NR5A2: variants seen among roughly 807,000 people sequenced by gnomAD.
NR5A2 encodes nuclear receptor subfamily 5 group A member 2.
A neutral mutation model predicts 62.7 loss-of-function variants in NR5A2; 26 were observed. That is an observed-to-expected ratio of 0.41 (90% confidence interval 0.30 to 0.58). NR5A2 has a LOEUF of 0.58. Ranked by LOEUF, NR5A2 falls within the 20% of genes least tolerant of loss-of-function variation. The pLI is 0.22. For missense variants in NR5A2, 541 were observed against 669.1 expected, an observed-to-expected ratio of 0.81 and a Z score of 2.11; for synonymous variants, 246 against 241.7, an observed-to-expected ratio of 1.02 and a Z score of -0.16.
chr1:200,137,836 C>T (rs1667295162), intron 7 of NR5A2, among the ~76,000 whole-genome samples: 1 of 151,988 alleles, frequency 6.6e-6, no homozygotes, highest in Non-Finnish European at 1.5e-5. Context: ...AATTATGGGA[C>T]AAATTGGATA....
intron 5 of NR5A2, among the ~76,000 whole-genome samples, chr1:200,103,313 G>T (rs1665484213): frequency 1.3e-5 from 2 of 151,846 alleles, no homozygotes; most frequent in Admixed American, 6.6e-5. Flanking sequence ...TTGGTAGAGA[G>T]GGGATTTCAC....
intron 7 of NR5A2, among the ~76,000 whole-genome samples, chr1:200,140,271 CT>C (rs1213897256): frequency 6.6e-6 from 1 of 151,984 alleles, no homozygotes; most frequent in Non-Finnish European, 1.5e-5. Context: ...GAGACAAGGT[CT>C]CACTATGTTG....
rs1208643277 is a variant in NR5A2 at position 200,043,301 on chromosome 1, G to A, written c.203-473G>A. ...TCAGTTTCTCTGTCGGACAGAGTTT[G>A]CAAATTGGTGCTGCTGTCCCTGTAA... On this transcript the variant is annotated intron_variant, in intron 2 of 7. Coordinates refer to ENST00000367362, the MANE Select transcript of NR5A2 (RefSeq NM_205860.3). Among the ~76,000 whole-genome samples the A allele has an allele frequency of 2.0e-5, 3 of 152,208 alleles. No homozygotes were observed. The East Asian group carries it at 5.8e-4, about 29-fold the overall frequency.
intron 6 of NR5A2, among the ~76,000 whole-genome samples, chr1:200,117,867 C>A (rs1012724458): frequency 6.6e-6 from 1 of 151,982 alleles, no homozygotes; most frequent in Non-Finnish European, 1.5e-5. Context: ...GCACTTGCCA[C>A]CACGCCTGGC....
chr1:200,114,106 C>T (rs1666094567), intron 6 of NR5A2, among the ~76,000 whole-genome samples: 1 of 151,952 alleles, frequency 6.6e-6, no homozygotes, highest in Admixed American at 6.6e-5. Flanking sequence ...TCGCTTGAAC[C>T]CGGGAGGCAG....
intron 1 of NR5A2, among the ~76,000 whole-genome samples, chr1:200,028,798 T>C (rs1027816141): frequency 2.0e-5 from 3 of 152,142 alleles, no homozygotes; most frequent in Non-Finnish European, 4.4e-5. Flanking sequence ...GCTCTCTGAG[T>C]CTCAGCTCCA....
intron 5 of NR5A2, among the ~76,000 whole-genome samples, chr1:200,093,432 G>A (rs953806667): frequency 6.6e-6 from 1 of 151,912 alleles, no homozygotes; most frequent in African/African-American, 2.4e-5. Flanking sequence ...TAGAAATGAG[G>A]TAGAAACAAG....
rs377340850 is a variant in NR5A2 at position 200,174,247 on chromosome 1, A to G, written c.*37A>G. 7.3e-6 allele frequency: 11 copies of G among 1,498,042 alleles called. No individual in the cohort carries two copies. Among genetic ancestry groups the G allele is most frequent in the Middle Eastern group, 1.8e-4 (1 of 5,582 alleles). The allele number at this position is 1,498,042 out of a possible 1,614,324, so 92.8% of individuals were successfully genotyped here. ...TAGGAGCTCTGCTTTCAAAACAAAA[A>G]GAGATTGGGGGAGTGGGGAGGGGGA... On this transcript the variant is annotated 3_prime_UTR_variant, in exon 8 of 8. Coordinates refer to ENST00000367362, the MANE Select transcript of NR5A2 (RefSeq NM_205860.3).
At chr1:200,060,997 G>C (rs1265593428) in intron 5 of NR5A2, among the ~76,000 whole-genome samples, 2 of 148,750 alleles carry the variant, frequency 1.3e-5, no homozygotes, top group African/African-American at 5.0e-5. Context: ...GCGGCCACCT[G>C]TAATCCCAGC....
intron 5 of NR5A2, among the ~76,000 whole-genome samples, chr1:200,093,140 G>C (rs1664899630): frequency 6.6e-6 from 1 of 151,974 alleles, no homozygotes; most frequent in Non-Finnish European, 1.5e-5. Context: ...ACCTGACCTT[G>C]TGATCCACCC....
intron 5 of NR5A2, among the ~76,000 whole-genome samples, chr1:200,072,299 C>T (rs1461811916): frequency 6.6e-6 from 1 of 152,002 alleles, no homozygotes; most frequent in Non-Finnish European, 1.5e-5. Flanking sequence ...ATATTCTAAC[C>T]ATATTATATA....
Position 200,043,824 on chromosome 1 carries a change from C to T in NR5A2, c.253C>T (p.Leu85Phe), listed in dbSNP as rs1324332775. Residue 85 changes from leucine to phenylalanine, a missense_variant, in exon 3 of 8, where the codon CTT becomes TTT. Physicochemically the swap from Leu to Phe is conservative, Grantham distance 22. Around this residue, in one of 3 missense-constraint regions of NR5A2, gnomAD observed 54 missense variants for 123.8 expected, o/e 0.44. Coordinates refer to ENST00000367362, the MANE Select transcript of NR5A2 (RefSeq NM_205860.3). ...CTCCTATGATGAAGATCTGGAAGAGCTTTGTCCCGTGTGTGGAGATAAAGT... is the reference window on the plus strand; with the variant it reads ...CTCCTATGATGAAGATCTGGAAGAGTTTTGTCCCGTGTGTGGAGATAAAGT... The part of the protein sequence containing the change: ...NYSYDEDLEE[L>F]CPVCGDKVSG... 1 of 1,613,828 alleles carries T rather than the reference C, an allele frequency of 6.2e-7. No homozygotes were observed. Among genetic ancestry groups the T allele is most frequent in the African/African-American group, 1.3e-5 (1 of 75,034 alleles).
intron 3 of NR5A2, chr1:200,044,380 A>AT (rs1662262152): frequency 6.6e-6 from 1 of 152,200 alleles, no homozygotes; most frequent in South Asian, 2.1e-4. Context: ...AATTTTAAGG[A>AT]TTTTTTGAAA....
intron 5 of NR5A2, among the ~76,000 whole-genome samples, chr1:200,066,588 C>CTTTTTTTTTTTTTTTTTTTTTTTTTT (rs756874909): frequency 8.8e-6 from 1 of 113,156 alleles, no homozygotes; most frequent in African/African-American, 4.1e-5. Flanking sequence ...AATTAATTAT[C>CTTTTTTTTTTTTTTTTTTTTTTTTTT]TTTTTTTTTT....
intron 7 of NR5A2, among the ~76,000 whole-genome samples, chr1:200,157,427 C>T (rs1391771282): frequency 1.3e-5 from 2 of 152,062 alleles, no homozygotes; most frequent in Admixed American, 6.5e-5. Flanking sequence ...TTGAGCATAG[C>T]ACTTACGAAA....
At chr1:200,156,345 G>A (rs1294515819) in intron 7 of NR5A2, among the ~76,000 whole-genome samples, 3 of 151,970 alleles carry the variant, frequency 2.0e-5, no homozygotes, top group African/African-American at 2.4e-5. Context: ...TTGACTTCAC[G>A]ATGCTGCAAA....
chr1:200,170,931 T>C (rs1225590528), intron 7 of NR5A2, among the ~76,000 whole-genome samples: 1 of 152,230 alleles, frequency 6.6e-6, no homozygotes, highest in East Asian at 1.9e-4. Flanking sequence ...ACAGGTCAAA[T>C]TCACAATTGT....
At chr1:200,091,928 C>T (rs2821319) in intron 5 of NR5A2, among the ~76,000 whole-genome samples, 90,780 of 151,978 alleles carry the variant, frequency 0.6, 27,150 homozygotes, top group East Asian at 0.64. Flanking sequence ...ATTCAAAGTG[C>T]GGTACATGAA....
At chr1:200,143,723 C>T (rs1290499203) in intron 7 of NR5A2, among the ~76,000 whole-genome samples, 1 of 150,230 alleles carries the variant, frequency 6.7e-6, no homozygotes, top group East Asian at 2.0e-4. Context: ...GCTCCTGCAA[C>T]CTCCGCCTCC....
Sources: gnomAD v4.1 joint callset for allele counts (sites outside exome capture counted in the v4.1 genomes callset) on GRCh38, gnomAD v4.1.1 for gene constraint, gnomAD v4.1.1 regional missense constraint, MANE v1.5 for transcripts, NCBI Gene and HGNC (gene_info 2026-07-23, HGNC 2026-07-21) for gene names.